Variants in DERA observed in about 807,000 individuals in gnomAD.
DERA encodes 2-deoxy-D-ribose 5-phosphate aldolase.
In DERA, 15 loss-of-function variants were observed where a neutral mutation model predicts 41.1. The observed-to-expected ratio is 0.37, with a 90% CI of 0.24 to 0.56. The LOEUF is 0.56. DERA is among the 20% of genes least tolerant of loss of function. The pLI is 0.81. For synonymous variants in DERA, 139 were observed against 137.4 expected (o/e 1.01, Z -0.08); for missense variants, 396 against 403.4 (o/e 0.98, Z 0.16).
chr12:15,975,248 C>T (rs1393989942), intron 5 of DERA, among the ~76,000 whole-genome samples: 1 of 151,740 alleles, frequency 6.6e-6, no homozygotes, highest in East Asian at 1.9e-4. Flanking sequence ...AGTCAGTGAG[C>T]CAGGAGTGCT....
intron 5 of DERA, among the ~76,000 whole-genome samples, chr12:15,980,456 G>C (rs892536475): frequency 6.6e-6 from 1 of 152,036 alleles, no homozygotes; most frequent in African/African-American, 2.4e-5. Flanking sequence ...CTTGTTCTTA[G>C]AAAACAAGTT....
rs1949002716 is a variant in DERA at position 16,019,110 on chromosome 12, T to C, written c.638-13432T>C. Among the ~76,000 whole-genome samples, 1 of 152,172 alleles carries C rather than the reference T, an allele frequency of 6.6e-6. No individual in the cohort carries two copies. The highest frequency in any genetic ancestry group is 1.5e-5 in the Non-Finnish European group (1 of 68,010). On this transcript the variant is annotated intron_variant, in intron 6 of 8. Transcript: ENST00000428559. The surrounding 1 kb of genome is among the most constrained non-coding windows in gnomAD (Gnocchi z 4.4). The stretch of plus-strand genomic sequence containing the variant: ...AAATGTAGCATTTATTTCTCTAAAG[T>C]AATTTCGTTTTAGCAGAAGGGCAAA...
intron 1 of DERA, among the ~76,000 whole-genome samples, chr12:15,933,111 A>G (rs1249681492): frequency 6.6e-6 from 1 of 152,186 alleles, no homozygotes; most frequent in African/African-American, 2.4e-5. Context: ...GCTATGGTGA[A>G]TAGTGCTGCA....
Position 16,036,655 on chromosome 12 carries a change from A to C in DERA, c.901-35A>C. 6.8e-7 allele frequency: 1 copy of C among 1,466,042 alleles called. No homozygotes were observed. Among genetic ancestry groups the C allele is most frequent in the East Asian group, 2.3e-5 (1 of 43,756 alleles). 90.8% of individuals were successfully genotyped at this position (1,466,042 alleles called of 1,614,324 possible). ...TATTAACTGATGTGTATAATTATAG[A>C]ATGATTGTTAATTAAACTCTGCTTT... is the stretch of plus-strand genomic sequence containing the variant. On this transcript the variant is annotated intron_variant, in intron 8 of 8. Coordinates refer to ENST00000428559, the MANE Select transcript of DERA (RefSeq NM_015954.4). This position sits in a 1 kb window ranked among gnomAD's most constrained non-coding sequence, Gnocchi z 4.9.
chr12:15,946,006 T>C (rs983815026), intron 1 of DERA, among the ~76,000 whole-genome samples: 1 of 152,216 alleles, frequency 6.6e-6, no homozygotes, highest in South Asian at 2.1e-4. Flanking sequence ...TTGTCTTTGC[T>C]TCTGTTTATA....
rs868643797 is a variant in DERA, at chr12:15,922,905, G to A, written c.31+11491G>A. ...CACTCTGGTGGGGGATGTTGATAAT[G>A]GGGGAGGCTATGCATGTGTGGGGCA... is the stretch of plus-strand genomic sequence containing the variant. On this transcript the variant is annotated intron_variant, in intron 1 of 8. Coordinates refer to ENST00000428559, the MANE Select transcript of DERA (RefSeq NM_015954.4). The surrounding 1 kb of genome is among the most constrained non-coding windows in gnomAD (Gnocchi z 4.9). Among the ~76,000 whole-genome samples, 8 of 152,098 alleles carry A rather than the reference G, an allele frequency of 5.3e-5. No individual in the cohort carries two copies. Among genetic ancestry groups the A allele is most frequent in the Middle Eastern group, 3.2e-3 (1 of 316 alleles).
At position 16,019,237 on chromosome 12, in the gene DERA, T is replaced by C. The variant is rs1400902165; in HGVS notation, c.638-13305T>C. Reference sequence around the variant, plus strand: ...ACAGCAGTAAAGTAATGATGTACTTTCTAAAATATTTTGTGTAATTAAAGC... The same window carrying C: ...ACAGCAGTAAAGTAATGATGTACTTCCTAAAATATTTTGTGTAATTAAAGC... On this transcript the variant is annotated intron_variant, in intron 6 of 8. Coordinates refer to ENST00000428559, the MANE Select transcript of DERA (RefSeq NM_015954.4). This position sits in a 1 kb window ranked among gnomAD's most constrained non-coding sequence, Gnocchi z 4.4. Among the ~76,000 whole-genome samples the C allele has an allele frequency of 1.3e-5, 2 of 152,226 alleles. No homozygotes were observed. The highest frequency in any genetic ancestry group is 2.9e-5 in the Non-Finnish European group (2 of 68,036).
chr12:15,945,082 G>T (rs962696430), intron 1 of DERA, among the ~76,000 whole-genome samples: 2 of 152,080 alleles, frequency 1.3e-5, no homozygotes, highest in Non-Finnish European at 2.9e-5. Flanking sequence ...CTGTTCCATT[G>T]GTCTATATCT....
At position 15,978,380 on chromosome 12, in the gene DERA, A is replaced by AT. The variant is rs1948712709; in HGVS notation, c.509-3923dup. 3.9e-5 allele frequency among the ~76,000 whole-genome samples: 6 copies of AT among 152,240 alleles called. No homozygotes were observed. The South Asian group carries it at 1.2e-3, about 32-fold the overall frequency. ...TTGCTATTTTTTGTTCGTTAAAGTT[A>AT]TTTTTGGGTTTCTGGAAGTGTATAA... On this transcript the variant is annotated intron_variant, in intron 5 of 8. Transcript: ENST00000428559.
chr12:15,936,954 T>TCCTGCCCTGC lies in DERA; in HGVS notation c.32-19972_32-19963dup, dbSNP rs113973762. 6.8e-6 allele frequency among the ~76,000 whole-genome samples: 1 copy of TCCTGCCCTGC among 146,958 alleles called. No homozygotes were observed. The highest frequency in any genetic ancestry group is 2.6e-5 in the African/African-American group (1 of 37,848). ...TCCTGTCTTGTCCTGTCCCGTCCTG[T>TCCTGCCCTGC]CCTGCCCTGCCCTGCCCTGTCTTGT... is the stretch of plus-strand genomic sequence containing the variant. On this transcript the variant is annotated intron_variant, in intron 1 of 8. Transcript: ENST00000428559. This position sits in a 1 kb window ranked among gnomAD's most constrained non-coding sequence, Gnocchi z 4.6.
chr12:16,006,537 C>T (rs1948912066), intron 6 of DERA, among the ~76,000 whole-genome samples: 1 of 152,234 alleles, frequency 6.6e-6, no homozygotes, highest in Non-Finnish European at 1.5e-5. Flanking sequence ...CCCTCCAGCC[C>T]TGCCATCTGG....
intron 7 of DERA, among the ~76,000 whole-genome samples, chr12:16,033,785 T>A (rs1476442581): frequency 6.6e-6 from 1 of 152,126 alleles, no homozygotes; most frequent in African/African-American, 2.4e-5. Flanking sequence ...GACCTTTTTT[T>A]TAATATACTG....
At chr12:15,930,924 C>T (rs1475847770) in intron 1 of DERA, among the ~76,000 whole-genome samples, 2 of 151,992 alleles carry the variant, frequency 1.3e-5, no homozygotes, top group Non-Finnish European at 2.9e-5. Context: ...ACATTGAGTA[C>T]TGAGCTGTGG....
In DERA at chr12:15,944,556, G is replaced by A. The variant is rs1032631525; in HGVS notation, c.32-12380G>A. On this transcript the variant is annotated intron_variant, in intron 1 of 8. Transcript: ENST00000428559. The stretch of plus-strand genomic sequence containing the variant: ...TGAGAAGTGTCTGTTCATATCCTTC[G>A]CCCACTTTTTGATGGGGTTGTTTGA... 4.7e-4 allele frequency among the ~76,000 whole-genome samples: 71 copies of A among 152,192 alleles called. No homozygotes were observed. The Middle Eastern group carries it at 0.014, about 29-fold the overall frequency.
At position 16,021,070 on chromosome 12, in the gene DERA, C is replaced by G. The variant is rs1300871336; in HGVS notation, c.638-11472C>G. Among the ~76,000 whole-genome samples, 1 of 152,224 alleles carries G rather than the reference C, an allele frequency of 6.6e-6. No individual in the cohort carries two copies. Among genetic ancestry groups the G allele is most frequent in the Non-Finnish European group, 1.5e-5 (1 of 68,036 alleles). On this transcript the variant is annotated intron_variant, in intron 6 of 8. Coordinates refer to ENST00000428559, the MANE Select transcript of DERA (RefSeq NM_015954.4). The surrounding 1 kb of genome is among the most constrained non-coding windows in gnomAD (Gnocchi z 5.3). ...GAAGGAATTCAAGCAGGCTGTGGAG[C>G]AACTGCTTGCTAGAGAGATTAGCTT...
At chr12:15,952,342 C>T (rs747385916) in intron 1 of DERA, among the ~76,000 whole-genome samples, 3 of 152,144 alleles carry the variant, frequency 2.0e-5, no homozygotes, top group East Asian at 1.9e-4. Flanking sequence ...AACTTATGTA[C>T]GTATTTCCAT....
In DERA at chr12:15,940,630, C is replaced by T. The variant is rs1172561999; in HGVS notation, c.32-16306C>T. 2.6e-5 allele frequency among the ~76,000 whole-genome samples: 4 copies of T among 152,150 alleles called. No homozygotes were observed. Among genetic ancestry groups the T allele is most frequent in the African/African-American group, 4.8e-5 (2 of 41,430 alleles). On this transcript the variant is annotated intron_variant, in intron 1 of 8. Coordinates refer to ENST00000428559, the MANE Select transcript of DERA (RefSeq NM_015954.4). This position sits in a 1 kb window ranked among gnomAD's most constrained non-coding sequence, Gnocchi z 5.1. ...CCTCCCAAAATGCTGGGATTACAGG[C>T]GTGAGCCACCGCATCCGGCCTGCTT...
chr12:15,990,982 A>C lies in DERA; in HGVS notation c.637+8546A>C, dbSNP rs1267804809. On this transcript the variant is annotated intron_variant, in intron 6 of 8. Coordinates refer to ENST00000428559, the MANE Select transcript of DERA (RefSeq NM_015954.4). The surrounding 1 kb of genome is among the most constrained non-coding windows in gnomAD (Gnocchi z 4.3). ...CTTTGGGTGTATACACAGTAATGGG[A>C]TTCCTGGGTCGAAAGGTATTTCTGT... 2.6e-5 allele frequency among the ~76,000 whole-genome samples: 4 copies of C among 152,268 alleles called. No homozygotes were observed. The East Asian group carries it at 7.7e-4, about 29-fold the overall frequency.
At position 16,021,831 on chromosome 12, in the gene DERA, A is replaced by C. The variant is rs1406106388; in HGVS notation, c.638-10711A>C. On this transcript the variant is annotated intron_variant, in intron 6 of 8. Coordinates refer to ENST00000428559, the MANE Select transcript of DERA (RefSeq NM_015954.4). This position sits in a 1 kb window ranked among gnomAD's most constrained non-coding sequence, Gnocchi z 5.3. ...TCTCCCTTTGGGAATGGTAATGTTTACCCAGCACCTTTGCCACAATTGTAT... is the reference window on the plus strand; with the variant it reads ...TCTCCCTTTGGGAATGGTAATGTTTCCCCAGCACCTTTGCCACAATTGTAT... Among the ~76,000 whole-genome samples the C allele has an allele frequency of 6.6e-6, 1 of 152,072 alleles. No homozygotes were observed. The highest frequency in any genetic ancestry group is 1.5e-5 in the Non-Finnish European group (1 of 68,006).
Sources: allele counts gnomAD v4.1 joint callset (sites outside exome capture counted in the v4.1 genomes callset), GRCh38; gene constraint gnomAD v4.1.1; non-coding constraint Gnocchi (gnomAD v3.1); transcripts MANE v1.5; gene names NCBI Gene and HGNC (gene_info 2026-07-23, HGNC 2026-07-21).